PPP2CB: variants seen among roughly 807,000 people sequenced by gnomAD.
PPP2CB encodes the protein protein phosphatase 2 catalytic subunit beta, also known as serine/threonine-protein phosphatase 2A catalytic subunit beta isoform.
PPP2CB carries 18 observed loss-of-function variants against 39.1 expected under a neutral mutation model. That is an observed-to-expected ratio of 0.46 (90% CI 0.32 to 0.68). The LOEUF is 0.68. Ranked by LOEUF, PPP2CB falls within the 30% of genes least tolerant of loss-of-function variation. PPP2CB has a pLI of 0.04. For synonymous variants in PPP2CB, 129 were observed against 133.8 expected (o/e 0.96, Z 0.25); for missense variants, 226 against 396.9 (o/e 0.57, Z 3.66).
At chr8:30,802,330 A>G (rs1184531462) in intron 1 of PPP2CB, among the ~76,000 whole-genome samples, 1 of 152,176 alleles carries the variant, frequency 6.6e-6, no homozygotes, top group Non-Finnish European at 1.5e-5. Context: ...ATACACCACA[A>G]ACATTCTGCA....
chr8:30,793,857 C>G lies in PPP2CB; in HGVS notation c.738+60G>C, dbSNP rs923029578. 5 of 1,482,260 alleles carry G rather than the reference C, an allele frequency of 3.4e-6. No homozygotes were observed. In the African/African-American group the frequency reaches 5.6e-5, roughly 17 times the overall value. 91.8% of individuals were successfully genotyped at this position (1,482,260 alleles called of 1,614,324 possible). Reference sequence around the variant, plus strand: ...ATGTTTCTTAGTTAAGTCATAATGCCTTATTACAGAAGTATATACTAATCT... The same window carrying G: ...ATGTTTCTTAGTTAAGTCATAATGCGTTATTACAGAAGTATATACTAATCT... On this transcript the variant is annotated intron_variant, in intron 5 of 6. Coordinates refer to ENST00000221138, the MANE Select transcript of PPP2CB (RefSeq NM_001009552.2).
chr8:30,806,307 G>T (rs1462933458), intron 1 of PPP2CB, among the ~76,000 whole-genome samples: 5 of 151,838 alleles, frequency 3.3e-5, no homozygotes, highest in Admixed American at 2.6e-4. Flanking sequence ...GCCTGCCTTG[G>T]CCTCCCAAAG....
chr8:30,807,651 T>C (rs1224386596), intron 1 of PPP2CB, among the ~76,000 whole-genome samples: 4 of 152,228 alleles, frequency 2.6e-5, no homozygotes, highest in Non-Finnish European at 5.9e-5. Context: ...TTATAAAATT[T>C]AACAGGTCAA....
At chr8:30,794,339 A>G (rs1806485097) in intron 3 of PPP2CB, 58 bp from the exon 4 acceptor site, 2 of 1,394,542 alleles carry the variant, frequency 1.4e-6, no homozygotes, top group Non-Finnish European at 2.0e-6. Context: ...AACAGTTAAC[A>G]AAGAGTAAAT....
In PPP2CB at chr8:30,799,775, AACAATT is replaced by A. The variant is rs1254608812; in HGVS notation, c.103-26_103-21del. 1.9e-6 allele frequency: 3 copies of A among 1,600,330 alleles called. No homozygotes were observed. In the African/African-American group the frequency reaches 4.0e-5, roughly 21 times the overall value. ...CTTTGCCTGTTAGAAAAGTGAAATC[AACAATT>A]ACAAAGTTAAAACTATCATTTCTTA... On this transcript the variant is annotated intron_variant, in intron 1 of 6. Transcript: ENST00000221138.
At position 30,791,199 on chromosome 8, in the gene PPP2CB, G is replaced by C; in HGVS notation, c.855C>G (p.Ser285=). Residue 285 remains serine (S), a splice_region_variant and synonymous_variant, in exon 6 of 7, where the codon TCC becomes TCG. Coordinates refer to ENST00000221138, the MANE Select transcript of PPP2CB (RefSeq NM_001009552.2). The part of the protein sequence containing the change: ...IMELDDTLKY[S]FLQFDPAPRR... Reference sequence around the variant, plus strand: ...AATTAAAATTTACAGTTACTCACAAGGAATATTTTAAAGTGTCATCTAATT... The same window carrying C: ...AATTAAAATTTACAGTTACTCACAACGAATATTTTAAAGTGTCATCTAATT... 2 of 1,579,928 alleles carry C rather than the reference G, an allele frequency of 1.3e-6. No homozygotes were observed. The highest frequency in any genetic ancestry group is 1.7e-6 in the Non-Finnish European group (2 of 1,158,638).
At chr8:30,812,217 G>T (rs1486675011) in intron 1 of PPP2CB, 103 bp downstream of exon 1, 10 of 823,776 alleles carry the variant, frequency 1.2e-5, no homozygotes, top group Non-Finnish European at 1.6e-5. Flanking sequence ...GCAGGCCCCC[G>T]GTGGGCCGCG....
chr8:30,794,840 C>A (rs75040855), intron 3 of PPP2CB, among the ~76,000 whole-genome samples: 1 of 152,170 alleles, frequency 6.6e-6, no homozygotes, highest in African/African-American at 2.4e-5. Flanking sequence ...CACTCTGATT[C>A]CTGTTACTGG....
chr8:30,800,762 T>C (rs928843327), intron 1 of PPP2CB, among the ~76,000 whole-genome samples: 2 of 152,222 alleles, frequency 1.3e-5, no homozygotes, highest in African/African-American at 4.8e-5. Flanking sequence ...CTGGGCCTAC[T>C]GTTATCTACA....
chr8:30,812,026 G>C (rs950266533), intron 1 of PPP2CB, among the ~76,000 whole-genome samples: 1 of 152,096 alleles, frequency 6.6e-6, no homozygotes, highest in African/African-American at 2.4e-5. Context: ...CCTCCTGCTT[G>C]GCTCAGGGGG....
chr8:30,785,731 G>A lies in PPP2CB; in HGVS notation c.*504C>T, dbSNP rs1224136306. 4 of 251,456 alleles carry A rather than the reference G, an allele frequency of 1.6e-5. No homozygotes were observed. In the East Asian group the frequency reaches 4.4e-4, roughly 28 times the overall value. The allele number at this position is 251,456 out of a possible 1,614,324, so 15.6% of individuals were successfully genotyped here. On this transcript the variant is annotated 3_prime_UTR_variant, in exon 7 of 7. Transcript: ENST00000221138. ...CATAAAACAGTAATTTAGTTTAAAT[G>A]AAGGGAAATCTCTTTAAATGTTATG...
intron 3 of PPP2CB, 141 bp from the exon 4 acceptor site, chr8:30,794,422 C>T: frequency 4.1e-6 from 3 of 723,458 alleles, no homozygotes; most frequent in Non-Finnish European, 6.7e-6. Flanking sequence ...TCTTCTTTAC[C>T]CCTTCTCTGG....
intron 1 of PPP2CB, among the ~76,000 whole-genome samples, chr8:30,802,912 A>C: frequency 6.6e-6 from 1 of 152,230 alleles, no homozygotes; most frequent in East Asian, 1.9e-4. Flanking sequence ...GGAAGAACCG[A>C]CTGTGGGAAT....
chr8:30,785,929 C>T lies in PPP2CB; in HGVS notation c.*306G>A, dbSNP rs1806331786. The stretch of plus-strand genomic sequence containing the variant: ...TATAACTAAAATTTCCAAATAAGCG[C>T]AAAAGGAGATGAAGCAGTTAGTTAC... On this transcript the variant is annotated 3_prime_UTR_variant, in exon 7 of 7. Coordinates refer to ENST00000221138, the MANE Select transcript of PPP2CB (RefSeq NM_001009552.2). 3.9e-6 allele frequency: 2 copies of T among 514,354 alleles called. No homozygotes were observed. The highest frequency in any genetic ancestry group is 4.7e-5 in the Admixed American group (2 of 42,924). The allele number at this position is 514,354 out of a possible 1,614,324, so 31.9% of individuals were successfully genotyped here.
chr8:30,789,594 G>A (rs543078277), intron 6 of PPP2CB, among the ~76,000 whole-genome samples: 1 of 152,256 alleles, frequency 6.6e-6, no homozygotes, highest in South Asian at 2.1e-4. Context: ...ATAACCTTGG[G>A]CATGCACATA....
At chr8:30,786,923 C>T (rs959913566) in intron 6 of PPP2CB, among the ~76,000 whole-genome samples, 42 of 152,150 alleles carry the variant, frequency 2.8e-4, no homozygotes, top group African/African-American at 9.9e-4. Flanking sequence ...CTTCGGCCTC[C>T]CAAAGTGCTG....
intron 2 of PPP2CB, among the ~76,000 whole-genome samples, chr8:30,798,838 C>A (rs1201493331): frequency 1.3e-5 from 2 of 152,128 alleles, no homozygotes; most frequent in Non-Finnish European, 2.9e-5. Context: ...TTGAAGGTTA[C>A]ATGGAGGAAG....
intron 5 of PPP2CB, among the ~76,000 whole-genome samples, chr8:30,792,011 T>C (rs1806444936): frequency 6.7e-6 from 1 of 149,098 alleles, no homozygotes; most frequent in South Asian, 2.1e-4. Context: ...TATACACACA[T>C]ACATGTGTGT....
chr8:30,798,032 G>C (rs1317677851), intron 2 of PPP2CB, among the ~76,000 whole-genome samples: 1 of 152,068 alleles, frequency 6.6e-6, no homozygotes, highest in Non-Finnish European at 1.5e-5. Context: ...ACTTGTATCT[G>C]ATACTTTGCT....
Sources: gnomAD v4.1 joint callset for allele counts (sites outside exome capture counted in the v4.1 genomes callset) on GRCh38, gnomAD v4.1.1 for gene constraint, MANE v1.5 for transcripts, NCBI Gene and HGNC (gene_info 2026-07-23, HGNC 2026-07-21) for gene names.